MYT1L: variants seen among roughly 807,000 people sequenced by gnomAD.
The protein encoded by MYT1L is myelin transcription factor 1 like, also known as myelin transcription factor 1-like protein.
In MYT1L, 12 loss-of-function variants were observed where a neutral mutation model predicts 126.7. The ratio of observed to expected loss-of-function variants is 0.09; its 90% confidence interval spans 0.06 to 0.15. MYT1L has a LOEUF of 0.15. Among genes scored for constraint, MYT1L ranks in the 10% least tolerant of loss-of-function variants. The pLI, the probability that MYT1L is intolerant of heterozygous loss-of-function variation, is 1.00. For synonymous variants in MYT1L, 541 were observed against 604.2 expected (o/e 0.90, Z 1.53); for missense variants, 979 against 1,585.2 (o/e 0.62, Z 6.49).
chr2:1,877,878 C>T (rs1375100243), intron 18 of MYT1L, among the ~76,000 whole-genome samples: 2 of 152,090 alleles, frequency 1.3e-5, no homozygotes, highest in East Asian at 3.9e-4. Flanking sequence ...CTGGGGTCCC[C>T]CTCCGTGGAC....
intron 3 of MYT1L, among the ~76,000 whole-genome samples, chr2:2,171,653 G>T (rs959256074): frequency 2.6e-5 from 4 of 151,878 alleles, no homozygotes; most frequent in Non-Finnish European, 5.9e-5. Context: ...TTTAACCTCG[G>T]GGAAATGTAC....
intron 2 of MYT1L, among the ~76,000 whole-genome samples, chr2:2,231,848 T>A (rs2094170702): frequency 6.6e-6 from 1 of 152,192 alleles, no homozygotes; most frequent in South Asian, 2.1e-4. Context: ...AGATAACTCC[T>A]CTAGTCTTAT....
chr2:1,813,874 A>T (rs1376402572), intron 21 of MYT1L, among the ~76,000 whole-genome samples: 1 of 94,686 alleles, frequency 1.1e-5, no homozygotes, highest in African/African-American at 3.8e-5. Flanking sequence ...AGAAATACAA[A>T]AAATTAGCCG....
chr2:2,202,995 C>T (rs1377581719), intron 2 of MYT1L, among the ~76,000 whole-genome samples: 10 of 151,510 alleles, frequency 6.6e-5, no homozygotes, highest in African/African-American at 2.4e-4. Context: ...TGTAATCCAT[C>T]ATATAAACAG....
intron 3 of MYT1L, among the ~76,000 whole-genome samples, chr2:2,123,493 T>G (rs753327448): frequency 6.6e-6 from 1 of 152,128 alleles, no homozygotes; most frequent in Non-Finnish European, 1.5e-5. Context: ...GGGCCCATTT[T>G]CCCCTTGCTG....
intron 1 of MYT1L, chr2:2,324,323 G>C (rs2096215981): frequency 6.6e-6 from 1 of 152,198 alleles, no homozygotes; most frequent in Non-Finnish European, 1.5e-5. Flanking sequence ...TTCCATCTTA[G>C]GGACTCACCC....
At chr2:2,106,384 C>G (rs1356467285) in intron 3 of MYT1L, among the ~76,000 whole-genome samples, 1 of 152,062 alleles carries the variant, frequency 6.6e-6, no homozygotes, top group Admixed American at 6.6e-5. Context: ...GGCCGAATCA[C>G]TTGAGGGTGG....
intron 3 of MYT1L, among the ~76,000 whole-genome samples, chr2:2,113,718 C>T (rs886966176): frequency 2.0e-5 from 3 of 151,954 alleles, no homozygotes; most frequent in East Asian, 1.9e-4. Context: ...AAAACATTAC[C>T]GCCTCCATTA....
At chr2:1,954,069 G>A (rs2058120896) in intron 8 of MYT1L, among the ~76,000 whole-genome samples, 1 of 152,192 alleles carries the variant, frequency 6.6e-6, no homozygotes, top group Non-Finnish European at 1.5e-5. Context: ...CAGGACAGGA[G>A]AAATCTGGTG....
intron 3 of MYT1L, among the ~76,000 whole-genome samples, chr2:2,160,067 T>C (rs536467985): frequency 8.9e-4 from 136 of 152,226 alleles, no homozygotes; most frequent in African/African-American, 3.1e-3. Flanking sequence ...AGGATGATCA[T>C]AGTATCAACC....
intron 2 of MYT1L, among the ~76,000 whole-genome samples, chr2:2,219,656 T>C (rs989846088): frequency 2.0e-4 from 31 of 152,334 alleles, no homozygotes; most frequent in African/African-American, 7.2e-4. Flanking sequence ...TACTTCCTCC[T>C]TCCCTTGTTC....
At chr2:2,323,176 G>C (rs2096199705) in intron 1 of MYT1L, among the ~76,000 whole-genome samples, 1 of 152,088 alleles carries the variant, frequency 6.6e-6, no homozygotes, top group African/African-American at 2.4e-5. Flanking sequence ...TTGAGGTTTA[G>C]ATTCATTAAA....
intron 1 of MYT1L, among the ~76,000 whole-genome samples, chr2:2,286,781 G>A (rs962993972): frequency 5.9e-5 from 9 of 152,152 alleles, no homozygotes; most frequent in Non-Finnish European, 1.2e-4. Context: ...AACTATGCCA[G>A]GACACAGCAG....
chr2:2,153,628 A>T (rs1174252552), intron 3 of MYT1L, among the ~76,000 whole-genome samples: 1 of 152,192 alleles, frequency 6.6e-6, no homozygotes, highest in Non-Finnish European at 1.5e-5. Context: ...GAAGACCATC[A>T]AAAGTAATTT....
At chr2:2,142,872 A>T (rs762975024) in intron 3 of MYT1L, among the ~76,000 whole-genome samples, 2 of 151,700 alleles carry the variant, frequency 1.3e-5, no homozygotes, top group Non-Finnish European at 2.9e-5. Context: ...TTTTTAGTAG[A>T]GACAGGATCT....
At chr2:2,089,051 T>C (rs2076639912) in intron 3 of MYT1L, among the ~76,000 whole-genome samples, 1 of 152,176 alleles carries the variant, frequency 6.6e-6, no homozygotes, top group Non-Finnish European at 1.5e-5. Flanking sequence ...ACTAATACTG[T>C]TAGATACATC....
intron 21 of MYT1L, among the ~76,000 whole-genome samples, chr2:1,812,635 T>C (rs899675462): frequency 6.6e-6 from 1 of 152,070 alleles, no homozygotes; most frequent in Non-Finnish European, 1.5e-5. Context: ...CCTAGCACTT[T>C]GTGAGGCCGA....
At chr2:2,188,355 T>C (rs1426548813) in intron 2 of MYT1L, among the ~76,000 whole-genome samples, 5 of 152,174 alleles carry the variant, frequency 3.3e-5, no homozygotes, top group African/African-American at 4.8e-5. Flanking sequence ...AAGAGGTGCA[T>C]CTCCTTTCAA....
At chr2:2,246,223 G>C (rs1028517965) in intron 2 of MYT1L, among the ~76,000 whole-genome samples, 1 of 152,166 alleles carries the variant, frequency 6.6e-6, no homozygotes, top group Non-Finnish European at 1.5e-5. Context: ...TCATTTAGTA[G>C]GTTCTGTGAA....
Sources: allele counts gnomAD v4.1 joint callset (sites outside exome capture counted in the v4.1 genomes callset), GRCh38; gene constraint gnomAD v4.1.1; transcripts MANE v1.5; gene names NCBI Gene and HGNC (gene_info 2026-07-23, HGNC 2026-07-21).